Variants in ESYT2 observed in about 807,000 individuals in gnomAD.
ESYT2 encodes the protein extended synaptotagmin-2.
Under a neutral mutation model 107.2 loss-of-function variants are expected in ESYT2, and 54 were observed. That is an observed-to-expected ratio of 0.50 (90% confidence interval 0.40 to 0.63). The LOEUF (loss-of-function observed/expected upper bound fraction) is 0.63, where lower values mean the gene tolerates loss of function less well. Among genes scored for constraint, ESYT2 ranks in the 30% least tolerant of loss-of-function variants. The pLI is 0.00. For synonymous variants in ESYT2, 491 were observed against 434.1 expected (o/e 1.13, Z -1.63); for missense variants, 1,020 against 1,094.5 (o/e 0.93, Z 0.96).
chr7:158,829,083 A>C lies in ESYT2; in HGVS notation c.330+6T>G. On this transcript the variant is annotated splice_donor_region_variant and intron_variant, in intron 1 of 22. Transcript: ENST00000275418. Reference sequence around the variant, plus strand: ...GGGGTCGGGACGGGCAGGGGTCTGCACTCACCCAGGCGGGCAGGTCGCAGG... The same window carrying C: ...GGGGTCGGGACGGGCAGGGGTCTGCCCTCACCCAGGCGGGCAGGTCGCAGG... 1 of 1,584,082 alleles carries C rather than the reference A, an allele frequency of 6.3e-7. No homozygotes were observed. Among genetic ancestry groups the C allele is most frequent in the Non-Finnish European group, 8.5e-7 (1 of 1,174,298 alleles).
At chr7:158,766,813 T>C (rs572530268) in intron 8 of ESYT2, among the ~76,000 whole-genome samples, 1 of 152,324 alleles carries the variant, frequency 6.6e-6, no homozygotes, top group African/African-American at 2.4e-5. Flanking sequence ...TAATGCTCAC[T>C]GGCTTCTGGA....
intron 10 of ESYT2, 124 bp downstream of exon 10, chr7:158,762,959 A>G: frequency 1.7e-6 from 1 of 590,852 alleles, no homozygotes; most frequent in Non-Finnish European, 2.9e-6. Flanking sequence ...CAATTGTTAT[A>G]TCTAAGAACC....
At chr7:158,808,540 C>G (rs188507405) in intron 1 of ESYT2, among the ~76,000 whole-genome samples, 1 of 152,336 alleles carries the variant, frequency 6.6e-6, no homozygotes, top group South Asian at 2.1e-4. Flanking sequence ...AAGTATCATA[C>G]GCTGAGGTTG....
intron 1 of ESYT2, among the ~76,000 whole-genome samples, chr7:158,810,489 C>T (rs887794768): frequency 5.9e-5 from 9 of 151,828 alleles, no homozygotes; most frequent in African/African-American, 2.2e-4. Context: ...AGTTCAAGAC[C>T]AGCCCAACAC....
chr7:158,754,967 A>T (rs1837703172), intron 13 of ESYT2, among the ~76,000 whole-genome samples: 1 of 152,158 alleles, frequency 6.6e-6, no homozygotes, highest in South Asian at 2.1e-4. Flanking sequence ...CAGGCTTAAG[A>T]TGTCAAAGCT....
chr7:158,807,869 A>C (rs1839877965), intron 1 of ESYT2, among the ~76,000 whole-genome samples: 1 of 152,168 alleles, frequency 6.6e-6, no homozygotes, highest in Admixed American at 6.5e-5. Context: ...AAAGCTGTTC[A>C]CTGGCCACAA....
intron 13 of ESYT2, among the ~76,000 whole-genome samples, chr7:158,755,825 C>A (rs1360754778): frequency 2.0e-5 from 3 of 151,880 alleles, no homozygotes; most frequent in African/African-American, 4.8e-5. Flanking sequence ...AATGAGATCA[C>A]TTGGACACAG....
rs1188395792 is a variant in ESYT2 at position 158,829,464 on chromosome 7, G to A, written c.-46C>T. On this transcript the variant is annotated 5_prime_UTR_variant, in exon 1 of 23. Transcript: ENST00000275418. ...CCCTCCCGGCCGAGGCGGGCTGGGT[G>A]CTCGCGCTGATCCCGGGCGGCTCAG... 2.5e-6 allele frequency: 3 copies of A among 1,206,704 alleles called. No individual in the cohort carries two copies. Among genetic ancestry groups the A allele is most frequent in the Non-Finnish European group, 3.1e-6 (3 of 973,154 alleles). 74.7% of individuals were successfully genotyped at this position (1,206,704 alleles called of 1,614,324 possible).
intron 3 of ESYT2, among the ~76,000 whole-genome samples, chr7:158,796,915 GA>G (rs1839476665): frequency 2.8e-5 from 4 of 141,768 alleles, no homozygotes; most frequent in Non-Finnish European, 4.6e-5. Context: ...ACAGAGACGG[GA>G]AAAGGCACCA....
chr7:158,791,350 C>T (rs907936279), intron 4 of ESYT2, among the ~76,000 whole-genome samples: 18 of 152,216 alleles, frequency 1.2e-4, no homozygotes, highest in African/African-American at 3.6e-4. Context: ...GGGCTGCTTC[C>T]GCCTTGTAGC....
chr7:158,783,622 G>A (rs893820647), intron 6 of ESYT2, among the ~76,000 whole-genome samples: 1 of 152,224 alleles, frequency 6.6e-6, no homozygotes, highest in Admixed American at 6.5e-5. Context: ...AGCTCTGAGG[G>A]AGGAGAGGCA....
At chr7:158,777,955 T>C (rs866671019) in intron 6 of ESYT2, among the ~76,000 whole-genome samples, 6 of 152,200 alleles carry the variant, frequency 3.9e-5, no homozygotes, top group Non-Finnish European at 8.8e-5. Flanking sequence ...AGGCTTATTT[T>C]TCACAGGGCT....
chr7:158,745,132 A>C (rs1244734469), intron 16 of ESYT2, among the ~76,000 whole-genome samples: 1 of 151,670 alleles, frequency 6.6e-6, no homozygotes, highest in Non-Finnish European at 1.5e-5. Flanking sequence ...AAAACAACCA[A>C]CACAGAATAA....
intron 1 of ESYT2, among the ~76,000 whole-genome samples, chr7:158,821,409 T>G (rs1490576547): frequency 3.9e-5 from 6 of 152,252 alleles, no homozygotes; most frequent in Non-Finnish European, 1.5e-5. Context: ...TAATTTTGGC[T>G]GTGAGTTTTC....
chr7:158,789,709 G>T (rs1839222090), intron 4 of ESYT2, among the ~76,000 whole-genome samples: 1 of 152,084 alleles, frequency 6.6e-6, no homozygotes, highest in Admixed American at 6.6e-5. Flanking sequence ...TATCTCTACT[G>T]CCTGCCAATT....
At chr7:158,748,372 A>G in intron 15 of ESYT2, 92 bp from the exon 16 acceptor site, 3 of 1,056,806 alleles carry the variant, frequency 2.8e-6, no homozygotes, top group Non-Finnish European at 4.2e-6. Flanking sequence ...TGAAAAATAA[A>G]AAGAAAATAA....
Position 158,763,279 on chromosome 7 carries a change from C to CTTT in ESYT2, c.1102-115_1102-114insAAA, listed in dbSNP as rs398112085. On this transcript the variant is annotated intron_variant, in intron 9 of 22. Transcript: ENST00000275418. Reference sequence around the variant, plus strand: ...AGGTACTTTTCTCTGGTGGTAAATCCTTATTTATTTATTTATTTATTTATT... The same window carrying CTTT: ...AGGTACTTTTCTCTGGTGGTAAATCCTTTTTATTTATTTATTTATTTATTTATT... 241 of 383,486 alleles carry CTTT rather than the reference C, an allele frequency of 6.3e-4. 3 individuals carry two copies. The highest frequency in any genetic ancestry group is 3.2e-3 in the African/African-American group (47 of 14,510). The allele number at this position is 383,486 out of a possible 1,614,324, so 23.8% of individuals were successfully genotyped here. A position where few individuals can be genotyped will look rare whatever the true frequency, so the allele number is the denominator to read the frequency against.
At position 158,806,611 on chromosome 7, in the gene ESYT2, T is replaced by A. The variant is rs142226144; in HGVS notation, c.331-7539A>T. On this transcript the variant is annotated intron_variant, in intron 1 of 22. Coordinates refer to ENST00000275418, the MANE Select transcript of ESYT2 (RefSeq NM_001367773.1). ...ACAGACTTATTTACATATAAACACG[T>A]CCGTGAAGAATATTTTTCAAAGATT... Among the ~76,000 whole-genome samples the A allele has an allele frequency of 4.6e-3, 704 of 152,280 alleles. 3 individuals carry two copies. The highest frequency in any genetic ancestry group is 0.016 in the African/African-American group (677 of 41,548).
chr7:158,768,544 G>A (rs953083929), intron 7 of ESYT2, among the ~76,000 whole-genome samples: 5 of 152,040 alleles, frequency 3.3e-5, no homozygotes, highest in Admixed American at 1.3e-4. Context: ...CTCAGCCTCC[G>A]AAGTAGCTGG....
Sources: allele counts gnomAD v4.1 joint callset (sites outside exome capture counted in the v4.1 genomes callset), GRCh38; gene constraint gnomAD v4.1.1; transcripts MANE v1.5; gene names NCBI Gene and HGNC (gene_info 2026-07-23, HGNC 2026-07-21).